Variants in NRG1 observed in about 807,000 individuals in gnomAD.
The protein encoded by NRG1 is neuregulin 1.
NRG1 carries 18 observed loss-of-function variants against 63.8 expected under a neutral mutation model. The observed-to-expected ratio is 0.28, with a 90% CI of 0.19 to 0.42. The LOEUF is 0.42. Among genes scored for constraint, NRG1 ranks in the 10% least tolerant of loss-of-function variants. NRG1 has a pLI of 1.00. For synonymous variants in NRG1, 302 were observed against 301.3 expected (o/e 1.00, Z -0.02); for missense variants, 762 against 814.7 (o/e 0.94, Z 0.79).
chr8:32,441,899 G>C (rs979632499), intron 1 of NRG1, among the ~76,000 whole-genome samples: 1 of 152,000 alleles, frequency 6.6e-6, no homozygotes, highest in Non-Finnish European at 1.5e-5. Flanking sequence ...ATAAATGTGA[G>C]AAAATATCTT....
intron 1 of NRG1, among the ~76,000 whole-genome samples, chr8:32,291,048 C>T (rs991613058): frequency 6.6e-6 from 1 of 152,116 alleles, no homozygotes; most frequent in Non-Finnish European, 1.5e-5. Context: ...GAAGAGCTGA[C>T]ATTTCAGTTC....
At chr8:31,657,559 C>T (rs1365987316) in intron 1 of NRG1, among the ~76,000 whole-genome samples, 4 of 152,118 alleles carry the variant, frequency 2.6e-5, no homozygotes, top group Non-Finnish European at 5.9e-5. Flanking sequence ...TTGAAAAGCT[C>T]TCCAGGTGAT....
At chr8:31,787,996 C>A (rs1820341679) in intron 1 of NRG1, among the ~76,000 whole-genome samples, 1 of 152,038 alleles carries the variant, frequency 6.6e-6, no homozygotes, top group Non-Finnish European at 1.5e-5. Context: ...CATGTATTAA[C>A]CCAATTTTGC....
chr8:31,855,618 A>G (rs547334551), intron 1 of NRG1, among the ~76,000 whole-genome samples: 14 of 152,066 alleles, frequency 9.2e-5, no homozygotes, highest in African/African-American at 3.1e-4. Context: ...TTACATTTAA[A>G]GTTAATATTG....
chr8:31,665,855 G>A (rs763710448), intron 1 of NRG1, among the ~76,000 whole-genome samples: 3 of 151,986 alleles, frequency 2.0e-5, no homozygotes, highest in Non-Finnish European at 2.9e-5. Flanking sequence ...AGTTTCCTTG[G>A]CTGCAGGAGC....
chr8:31,943,014 C>T (rs1801993695), intron 1 of NRG1, among the ~76,000 whole-genome samples: 1 of 152,050 alleles, frequency 6.6e-6, no homozygotes, highest in African/African-American at 2.4e-5. Flanking sequence ...CCAGCAATCC[C>T]ACTACTAGGT....
chr8:32,337,897 TG>T (rs1386952230), intron 1 of NRG1, among the ~76,000 whole-genome samples: 1 of 152,120 alleles, frequency 6.6e-6, no homozygotes, highest in Non-Finnish European at 1.5e-5. Flanking sequence ...ATGACTTATG[TG>T]GGGTCACAGA....
chr8:31,845,057 AG>A (rs1454092395), intron 1 of NRG1, among the ~76,000 whole-genome samples: 1 of 152,066 alleles, frequency 6.6e-6, no homozygotes, highest in African/African-American at 2.4e-5. Flanking sequence ...CAGTGAGCTG[AG>A]ATCACGCCAT....
chr8:31,935,729 G>A (rs1447131125), intron 1 of NRG1, among the ~76,000 whole-genome samples: 2 of 152,224 alleles, frequency 1.3e-5, no homozygotes, highest in Admixed American at 6.5e-5. Flanking sequence ...AGGCCAGACA[G>A]CAGCATCTTC....
chr8:32,335,422 G>A (rs1398784082), intron 1 of NRG1, among the ~76,000 whole-genome samples: 6 of 152,116 alleles, frequency 3.9e-5, no homozygotes, highest in Admixed American at 6.5e-5. Flanking sequence ...AGTGCTCCTC[G>A]AGCTTTGGGT....
At chr8:32,748,358 C>CACACACAGAGAGAGAG (rs748763782) in intron 7 of NRG1, among the ~76,000 whole-genome samples, 95 of 122,002 alleles carry the variant, frequency 7.8e-4, no homozygotes, top group Admixed American at 1.1e-3. Flanking sequence ...CACACACACA[C>CACACACAGAGAGAGAG]AGAGAGAGAG....
intron 1 of NRG1, among the ~76,000 whole-genome samples, chr8:32,537,195 CAAA>C (rs71208193): frequency 0.095 from 4,117 of 43,142 alleles, 28 homozygotes; most frequent in Middle Eastern, 0.25. Flanking sequence ...GACTCCATCT[CAAA>C]AAAAAAAAAA....
chr8:31,862,956 C>T (rs568911708), intron 1 of NRG1, among the ~76,000 whole-genome samples: 121 of 152,320 alleles, frequency 7.9e-4, no homozygotes, highest in African/African-American at 2.8e-3. Context: ...ACAGTTCCTC[C>T]TTTGATTCTT....
At chr8:32,479,440 G>A (rs1824948234) in intron 1 of NRG1, among the ~76,000 whole-genome samples, 1 of 152,016 alleles carries the variant, frequency 6.6e-6, no homozygotes. Context: ...TCGTACCACT[G>A]CACTCTAGCC....
At chr8:32,678,519 C>T (rs1423268257) in intron 5 of NRG1, among the ~76,000 whole-genome samples, 1 of 151,906 alleles carries the variant, frequency 6.6e-6, no homozygotes. Context: ...AGTCCAATTA[C>T]GGGTTCTTTA....
At chr8:32,620,953 T>C (rs1365729783) in intron 5 of NRG1, among the ~76,000 whole-genome samples, 1 of 152,188 alleles carries the variant, frequency 6.6e-6, no homozygotes, top group Non-Finnish European at 1.5e-5. Context: ...TTTTAAATAG[T>C]AATCAGAAAT....
At chr8:32,221,282 A>T (rs1845786037) in intron 1 of NRG1, 2 of 152,194 alleles carry the variant, frequency 1.3e-5, no homozygotes, top group South Asian at 4.1e-4. Flanking sequence ...GCATTTTGTC[A>T]TCCAAGGCTA....
intron 1 of NRG1, among the ~76,000 whole-genome samples, chr8:31,857,245 T>A (rs1419972899): frequency 6.6e-6 from 1 of 152,238 alleles, no homozygotes; most frequent in Non-Finnish European, 1.5e-5. Flanking sequence ...CTCAGACTGC[T>A]GTGCTAGCAA....
chr8:32,388,041 C>A (rs2881651), intron 1 of NRG1, among the ~76,000 whole-genome samples: 4 of 152,038 alleles, frequency 2.6e-5, no homozygotes, highest in Non-Finnish European at 5.9e-5. Flanking sequence ...ACCTGAAAGC[C>A]AGGTTCAGCG....
Sources: allele counts gnomAD v4.1 joint callset (sites outside exome capture counted in the v4.1 genomes callset), GRCh38; gene constraint gnomAD v4.1.1; transcripts MANE v1.5; gene names NCBI Gene and HGNC (gene_info 2026-07-23, HGNC 2026-07-21).